SLC8A1: variants seen among roughly 807,000 people sequenced by gnomAD.
The protein encoded by SLC8A1 is solute carrier family 8 member A1.
Under a neutral mutation model 68.3 loss-of-function variants are expected in SLC8A1, and 18 were observed. That is an observed-to-expected ratio of 0.26 (90% confidence interval 0.18 to 0.39). The LOEUF is 0.39. Among genes scored for constraint, SLC8A1 ranks in the 10% least tolerant of loss-of-function variants. The pLI is 1.00. For missense variants in SLC8A1, 985 were observed against 1,156.7 expected (o/e 0.85, Z 2.15); for synonymous variants, 475 against 415.5 (o/e 1.14, Z -1.74).
At chr2:40,429,356 C>A in exon 2 of SLC8A1, 1 of 1,613,904 alleles carries the variant, frequency 6.2e-7, no homozygotes, top group Non-Finnish European at 8.5e-7. Flanking sequence ...ACCTCCAGAA[C>A]CAGAGCACCA....
intron 2 of SLC8A1, among the ~76,000 whole-genome samples, chr2:40,392,504 C>T (rs1195269683): frequency 6.6e-6 from 1 of 152,030 alleles, no homozygotes; most frequent in Non-Finnish European, 1.5e-5. Context: ...TCATCCTATG[C>T]ATCTTAGTAA....
At chr2:40,155,973 A>G (rs896944044) in intron 6 of SLC8A1, among the ~76,000 whole-genome samples, 10 of 152,182 alleles carry the variant, frequency 6.6e-5, no homozygotes, top group South Asian at 4.1e-4. Flanking sequence ...ATGTAACAGG[A>G]AGATAGGCAC....
At chr2:40,130,169 A>G (rs1212465831) in intron 7 of SLC8A1, among the ~76,000 whole-genome samples, 1 of 152,240 alleles carries the variant, frequency 6.6e-6, no homozygotes, top group East Asian at 1.9e-4. Flanking sequence ...AGATGCAAAG[A>G]GCTTTGAAAT....
intron 2 of SLC8A1, among the ~76,000 whole-genome samples, chr2:40,200,189 T>TC (rs1284097406): frequency 0.025 from 280 of 11,078 alleles, 95 homozygotes; most frequent in Non-Finnish European, 0.045. Flanking sequence ...TATATATATA[T>TC]ATTTATATAT....
chr2:40,220,447 T>C (rs2540904), intron 2 of SLC8A1: 90,574 of 151,998 alleles, frequency 0.6, 27,644 homozygotes, highest in Middle Eastern at 0.78. Context: ...GTTGGGAAGG[T>C]CCTAAATTGA....
chr2:40,319,736 A>G (rs1349916847), intron 2 of SLC8A1, among the ~76,000 whole-genome samples: 6 of 152,054 alleles, frequency 3.9e-5, no homozygotes, highest in African/African-American at 1.4e-4. Flanking sequence ...AGCTCTGCAA[A>G]CAATTCTTCC....
intron 1 of SLC8A1, among the ~76,000 whole-genome samples, chr2:40,450,758 G>C (rs575421642): frequency 6.6e-6 from 1 of 152,204 alleles, no homozygotes; most frequent in Non-Finnish European, 1.5e-5. Context: ...AGCGGCTTCA[G>C]GAGAGCCAGG....
chr2:40,321,816 G>C (rs2075229895), intron 2 of SLC8A1, among the ~76,000 whole-genome samples: 1 of 152,054 alleles, frequency 6.6e-6, no homozygotes, highest in Admixed American at 6.6e-5. Flanking sequence ...GATAAGATTT[G>C]GGTGGGAACA....
In SLC8A1 at chr2:40,345,020, G is replaced by T. The variant is rs545583539; in HGVS notation, c.1808+83453C>A. Among the ~76,000 whole-genome samples, 18 of 152,160 alleles carry T rather than the reference G, an allele frequency of 1.2e-4. No individual in the cohort carries two copies. In the South Asian group the frequency reaches 1.2e-3, roughly 10 times the overall value. ...GTTTGTCTGTTTGTTTTCAAAAAGT[G>T]ACAAGAGGCTATAAGCCATGGATTT... On this transcript the variant is annotated intron_variant, in intron 2 of 7. Coordinates refer to ENST00000406785, the Ensembl canonical transcript of SLC8A1.
chr2:40,295,243 G>A (rs1352574544), intron 2 of SLC8A1, among the ~76,000 whole-genome samples: 1 of 151,950 alleles, frequency 6.6e-6, no homozygotes, highest in East Asian at 1.9e-4. Flanking sequence ...GGGACTACAG[G>A]CATAAGCCAC....
intron 1 of SLC8A1, among the ~76,000 whole-genome samples, chr2:40,503,116 C>T (rs976317506): frequency 6.6e-6 from 1 of 151,948 alleles, no homozygotes. Flanking sequence ...TCACATGTTT[C>T]TGTAGGTATG....
At chr2:40,364,509 C>CTTTTTTTTTTTT (rs11377656) in intron 2 of SLC8A1, among the ~76,000 whole-genome samples, 1 of 148,684 alleles carries the variant, frequency 6.7e-6, no homozygotes. Context: ...AAATTGAATC[C>CTTTTTTTTTTTT]TTTTTTTTTG....
chr2:40,357,844 T>G (rs879709420), intron 2 of SLC8A1, among the ~76,000 whole-genome samples: 1 of 152,096 alleles, frequency 6.6e-6, no homozygotes, highest in Non-Finnish European at 1.5e-5. Flanking sequence ...TGATGGCTTC[T>G]CTCTCCCCCT....
intron 2 of SLC8A1, among the ~76,000 whole-genome samples, chr2:40,187,994 G>A (rs1305458669): frequency 1.3e-5 from 2 of 152,056 alleles, no homozygotes; most frequent in Admixed American, 6.6e-5. Flanking sequence ...AAGGACCTGG[G>A]GTCTGTTACC....
intron 6 of SLC8A1, among the ~76,000 whole-genome samples, chr2:40,156,360 G>GTTGTTTTTTT (rs2044489499): frequency 1.4e-5 from 2 of 140,772 alleles, no homozygotes; most frequent in African/African-American, 5.2e-5. Context: ...AACTGCTGGA[G>GTTGTTTTTTT]TTTTTTTTTT....
rs540414142 is a variant in SLC8A1 at position 40,252,581 on chromosome 2, G to C, written c.1809-74726C>G. Among the ~76,000 whole-genome samples the C allele has an allele frequency of 5.3e-5, 8 of 152,228 alleles. No individual in the cohort carries two copies. The South Asian group carries it at 1.2e-3, about 24-fold the overall frequency. On this transcript the variant is annotated intron_variant, in intron 2 of 7. Transcript: ENST00000406785. ...ACTCCTGACCTCAAGTGATCCACCT[G>C]CCTTGGCCTCCCAAAGTGCTGGGAT... is the stretch of plus-strand genomic sequence containing the variant.
At chr2:40,198,233 G>C (rs2053466011) in intron 2 of SLC8A1, among the ~76,000 whole-genome samples, 1 of 151,914 alleles carries the variant, frequency 6.6e-6, no homozygotes, top group Non-Finnish European at 1.5e-5. Flanking sequence ...AAGTAAAGGA[G>C]GGATTAGTGT....
intron 2 of SLC8A1, among the ~76,000 whole-genome samples, chr2:40,414,652 CTT>C (rs767170265): frequency 6.3e-4 from 96 of 152,104 alleles, no homozygotes; most frequent in Middle Eastern, 3.4e-3. Flanking sequence ...GTTTTAGTCT[CTT>C]GGAGGTTTAT....
chr2:40,481,453 G>T (rs1245597385), intron 1 of SLC8A1, among the ~76,000 whole-genome samples: 1 of 152,104 alleles, frequency 6.6e-6, no homozygotes, highest in Non-Finnish European at 1.5e-5. Flanking sequence ...TAGTTTTCTT[G>T]TTTATAAAAA....
Sources: gnomAD v4.1 joint callset for allele counts (sites outside exome capture counted in the v4.1 genomes callset) on GRCh38, gnomAD v4.1.1 for gene constraint, MANE v1.5 for transcripts, NCBI Gene and HGNC (gene_info 2026-07-23, HGNC 2026-07-21) for gene names.